Variants in KCNAB1 observed in about 807,000 individuals in gnomAD.
KCNAB1 encodes the protein potassium voltage-gated channel subfamily A regulatory beta subunit 1, also known as voltage-gated potassium channel subunit beta-1.
Under a neutral mutation model 64.6 loss-of-function variants are expected in KCNAB1, and 35 were observed. That is an observed-to-expected ratio of 0.54 (90% CI 0.41 to 0.72). The LOEUF (loss-of-function observed/expected upper bound fraction) is 0.72, where lower values mean the gene tolerates loss of function less well. Ranked by LOEUF, KCNAB1 falls within the 30% of genes least tolerant of loss-of-function variation. The pLI is 0.00. For synonymous variants in KCNAB1, 177 were observed against 183.8 expected (o/e 0.96, Z 0.30); for missense variants, 401 against 512.9 (o/e 0.78, Z 2.11).
At chr3:156,414,646 T>C (rs947235349) in intron 1 of KCNAB1, among the ~76,000 whole-genome samples, 7 of 152,200 alleles carry the variant, frequency 4.6e-5, no homozygotes, top group African/African-American at 1.7e-4. Flanking sequence ...AACATAAAGA[T>C]GTATTTTTCC....
At chr3:156,226,545 CAA>C (rs1716187966) in intron 1 of KCNAB1, among the ~76,000 whole-genome samples, 1 of 152,046 alleles carries the variant, frequency 6.6e-6, no homozygotes, top group African/African-American at 2.4e-5. Flanking sequence ...GCACCAAAAA[CAA>C]AGAGAAATAG....
At chr3:156,403,404 T>C (rs2108195665) in intron 1 of KCNAB1, among the ~76,000 whole-genome samples, 1 of 152,320 alleles carries the variant, frequency 6.6e-6, no homozygotes, top group East Asian at 1.9e-4. Context: ...CTTTACCCTC[T>C]GGAGAGTTTT....
At position 156,354,047 on chromosome 3, in the gene KCNAB1, A is replaced by ATGTGTG. The variant is rs368761986; in HGVS notation, c.276-67547_276-67542dup. Among the ~76,000 whole-genome samples the ATGTGTG allele has an allele frequency of 1.5e-3, 211 of 137,584 alleles. 1 individual carries two copies. The highest frequency in any genetic ancestry group is 4.6e-3 in the African/African-American group (170 of 36,990). The allele number at this position is 137,584 out of a possible 152,430, so 90.3% of individuals were successfully genotyped here. ...TGTCATAATGTGTGTGTGTATATAT[A>ATGTGTG]TGTGTGTGTGTGTGTGTGTGTGTGT... On this transcript the variant is annotated intron_variant, in intron 1 of 13. Transcript: ENST00000490337.
At chr3:156,167,167 A>G (rs1711625007) in intron 1 of KCNAB1, among the ~76,000 whole-genome samples, 2 of 152,184 alleles carry the variant, frequency 1.3e-5, no homozygotes, top group African/African-American at 4.8e-5. Context: ...AATGACTTAC[A>G]CAGCCTCTTT....
At chr3:156,202,489 T>G (rs983643601) in intron 1 of KCNAB1, among the ~76,000 whole-genome samples, 3 of 152,224 alleles carry the variant, frequency 2.0e-5, no homozygotes, top group African/African-American at 7.2e-5. Context: ...CTAATGTCCC[T>G]GTCCCTCAGT....
chr3:156,405,716 C>A (rs1054033522), intron 1 of KCNAB1, among the ~76,000 whole-genome samples: 1 of 152,034 alleles, frequency 6.6e-6, no homozygotes, highest in African/African-American at 2.4e-5. Context: ...GTAATGCAAG[C>A]ATTTTCTTGT....
intron 1 of KCNAB1, among the ~76,000 whole-genome samples, chr3:156,151,269 C>T (rs1400770978): frequency 1.3e-5 from 2 of 152,160 alleles, no homozygotes; most frequent in Non-Finnish European, 2.9e-5. Context: ...TGTCACCTCT[C>T]CACACTTAGA....
chr3:156,218,801 A>AAAAAAATAAT (rs371264941), intron 1 of KCNAB1, among the ~76,000 whole-genome samples: 4 of 112,242 alleles, frequency 3.6e-5, no homozygotes, highest in Admixed American at 1.0e-4. Context: ...AAAAAAAAAA[A>AAAAAAATAAT]AATAATAATA....
At chr3:156,186,060 T>C (rs1200202838) in intron 1 of KCNAB1, among the ~76,000 whole-genome samples, 1 of 152,224 alleles carries the variant, frequency 6.6e-6, no homozygotes, top group East Asian at 1.9e-4. Flanking sequence ...CTACTGAGCA[T>C]AGTGCAGAAA....
At chr3:156,284,624 G>T (rs1002957562) in intron 1 of KCNAB1, among the ~76,000 whole-genome samples, 1 of 152,178 alleles carries the variant, frequency 6.6e-6, no homozygotes, top group Non-Finnish European at 1.5e-5. Flanking sequence ...GCGAGACTCC[G>T]TGGGCATAGG....
rs1310958269 is a variant in KCNAB1 at position 156,538,187 on chromosome 3, C to T, written c.*1440C>T. 2 of 150,486 alleles carry T rather than the reference C, an allele frequency of 1.3e-5. No individual in the cohort carries two copies. The highest frequency in any genetic ancestry group is 4.9e-5 in the African/African-American group (2 of 40,746). 9.3% of individuals were successfully genotyped at this position (150,486 alleles called of 1,614,324 possible). A position where few individuals can be genotyped will look rare whatever the true frequency, so the allele number is the denominator to read the frequency against. ...GGGTGGTGTGGGAGTGGCCCTTTAA[C>T]TCTATTTGGCTATCTGAGGATGTAC... On this transcript the variant is annotated 3_prime_UTR_variant, in exon 14 of 14. Transcript: ENST00000490337.
At chr3:156,495,409 A>G (rs901626621) in intron 8 of KCNAB1, among the ~76,000 whole-genome samples, 1 of 152,194 alleles carries the variant, frequency 6.6e-6, no homozygotes, top group African/African-American at 2.4e-5. Flanking sequence ...AAATCATTCT[A>G]TTATAAAGAT....
chr3:156,408,365 G>A (rs1003202523), intron 1 of KCNAB1, among the ~76,000 whole-genome samples: 1 of 152,204 alleles, frequency 6.6e-6, no homozygotes, highest in Non-Finnish European at 1.5e-5. Flanking sequence ...CCTGCTGGAT[G>A]TGCGGGACCC....
intron 1 of KCNAB1, chr3:156,176,029 C>G (rs1712346882): frequency 1.2e-6 from 1 of 805,656 alleles, no homozygotes. Context: ...TGCTATTTTG[C>G]TTCCATCAGG....
chr3:156,150,307 A>G (rs1715329021), intron 1 of KCNAB1, among the ~76,000 whole-genome samples: 1 of 152,230 alleles, frequency 6.6e-6, no homozygotes, highest in African/African-American at 2.4e-5. Context: ...GTTTAGATAG[A>G]AAATGCTTAG....
chr3:156,193,790 A>G (rs1261508248), intron 1 of KCNAB1, among the ~76,000 whole-genome samples: 1 of 152,182 alleles, frequency 6.6e-6, no homozygotes, highest in Non-Finnish European at 1.5e-5. Flanking sequence ...TTAAAATTCT[A>G]GATGAGATTT....
At chr3:156,481,742 T>C (rs1339023845) in intron 8 of KCNAB1, among the ~76,000 whole-genome samples, 1 of 152,124 alleles carries the variant, frequency 6.6e-6, no homozygotes. Flanking sequence ...CAGACACAAC[T>C]TCAAATTCTG....
chr3:156,325,959 C>T (rs552836669), intron 1 of KCNAB1, among the ~76,000 whole-genome samples: 1 of 152,052 alleles, frequency 6.6e-6, no homozygotes, highest in Non-Finnish European at 1.5e-5. Context: ...AGATAATGAA[C>T]CATGGATGAC....
Position 156,381,768 on chromosome 3 carries a change from A to T in KCNAB1, c.276-39848A>T, listed in dbSNP as rs535426564. ...CTACTACCTAGTTCCTTCTCTGCTC[A>T]CCTCCATATCCTGTGGCCCCTGGAA... On this transcript the variant is annotated intron_variant, in intron 1 of 13. Transcript: ENST00000490337. Among the ~76,000 whole-genome samples the T allele has an allele frequency of 3.0e-4, 46 of 152,262 alleles. No homozygotes were observed. The East Asian group carries it at 8.3e-3, about 27-fold the overall frequency.
Sources: allele counts gnomAD v4.1 joint callset (sites outside exome capture counted in the v4.1 genomes callset), GRCh38; gene constraint gnomAD v4.1.1; transcripts MANE v1.5; gene names NCBI Gene and HGNC (gene_info 2026-07-23, HGNC 2026-07-21).